HP1BP3: variants seen among roughly 807,000 people sequenced by gnomAD.
HP1BP3 encodes heterochromatin protein 1-binding protein 3.
Under a neutral mutation model 62.5 loss-of-function variants are expected in HP1BP3, and 12 were observed. The observed-to-expected ratio is 0.19, with a 90% CI of 0.12 to 0.31. The LOEUF (loss-of-function observed/expected upper bound fraction) is 0.31. HP1BP3 is among the 10% of genes least tolerant of loss of function. The probability of loss-of-function intolerance (pLI) is 1.00; values close to 1 mark genes in which losing one functional copy is unlikely to be tolerated. For synonymous variants in HP1BP3, 260 were observed against 237.8 expected (o/e 1.09, Z -0.86); for missense variants, 502 against 651.8 (o/e 0.77, Z 2.50).
At chr1:20,764,890 TG>T (rs1261969518) in intron 8 of HP1BP3, among the ~76,000 whole-genome samples, 1 of 143,984 alleles carries the variant, frequency 6.9e-6, no homozygotes, top group Non-Finnish European at 1.5e-5. Context: ...AAAAAAAGGC[TG>T]GCCACAGCGG....
chr1:20,782,557 C>T (rs2057605491), intron 1 of HP1BP3, among the ~76,000 whole-genome samples: 1 of 150,532 alleles, frequency 6.6e-6, no homozygotes, highest in South Asian at 2.1e-4. Flanking sequence ...GCATTCCAGC[C>T]TAGGTGACAG....
chr1:20,781,054 C>G (rs1247092163), intron 1 of HP1BP3, among the ~76,000 whole-genome samples: 2 of 152,016 alleles, frequency 1.3e-5, no homozygotes, highest in Admixed American at 1.3e-4. Flanking sequence ...TCCAGACCCA[C>G]AGAAGCAAAT....
At chr1:20,782,173 C>T (rs1210180551) in intron 1 of HP1BP3, among the ~76,000 whole-genome samples, 2 of 152,204 alleles carry the variant, frequency 1.3e-5, no homozygotes, top group Non-Finnish European at 1.5e-5. Flanking sequence ...TGTAGTAGCT[C>T]ATGCCTGCAA....
At chr1:20,784,917 G>T (rs1236651523) in intron 1 of HP1BP3, among the ~76,000 whole-genome samples, 2 of 152,150 alleles carry the variant, frequency 1.3e-5, no homozygotes, top group African/African-American at 4.8e-5. Flanking sequence ...TTTTTGTCAA[G>T]GGAAATGCTT....
chr1:20,763,194 T>C (rs1264659584), intron 8 of HP1BP3, among the ~76,000 whole-genome samples: 1 of 152,192 alleles, frequency 6.6e-6, no homozygotes, highest in African/African-American at 2.4e-5. Context: ...GCCTGCACTA[T>C]GCTTCTTGTA....
chr1:20,757,264 G>C lies in HP1BP3; in HGVS notation c.891-8C>G. Reference sequence around the variant, plus strand: ...TTCTTCAACAGCTGAGGCCTGCAAAGAAAAACAAAAAAAAAATAGTGATAA... The same window carrying C: ...TTCTTCAACAGCTGAGGCCTGCAAACAAAAACAAAAAAAAAATAGTGATAA... On this transcript the variant is annotated splice_polypyrimidine_tract_variant and splice_region_variant and intron_variant, in intron 8 of 12. Coordinates refer to ENST00000438032, the MANE Select transcript of HP1BP3 (RefSeq NM_001372052.1). 4 of 1,528,054 alleles carry C rather than the reference G, an allele frequency of 2.6e-6. No homozygotes were observed. The highest frequency in any genetic ancestry group is 3.5e-6 in the Non-Finnish European group (4 of 1,138,814). 94.7% of individuals were successfully genotyped at this position (1,528,054 alleles called of 1,614,324 possible).
chr1:20,764,347 A>C (rs2056649134), intron 8 of HP1BP3, among the ~76,000 whole-genome samples: 1 of 151,052 alleles, frequency 6.6e-6, no homozygotes, highest in East Asian at 2.0e-4. Context: ...TTTTACTCTT[A>C]TGGTTTTTTT....
chr1:20,769,543 G>A (rs756708553), intron 6 of HP1BP3, among the ~76,000 whole-genome samples: 5 of 152,106 alleles, frequency 3.3e-5, no homozygotes, highest in South Asian at 2.1e-4. Flanking sequence ...GGGCCAGAGT[G>A]AGATCCTGTC....
intron 8 of HP1BP3, among the ~76,000 whole-genome samples, chr1:20,764,508 C>T (rs12754303): frequency 6.6e-6 from 1 of 151,356 alleles, no homozygotes; most frequent in African/African-American, 2.4e-5. Context: ...CACAGCCAGC[C>T]TAGTTTTTTT....
chr1:20,783,456 T>C (rs1011939780), intron 1 of HP1BP3, among the ~76,000 whole-genome samples: 1 of 151,818 alleles, frequency 6.6e-6, no homozygotes, highest in African/African-American at 2.4e-5. Context: ...GAGGCGGAGG[T>C]TGCAGTGACC....
chr1:20,741,567 G>C lies in HP1BP3; in HGVS notation c.*3230C>G, dbSNP rs1304963718. Among the ~76,000 whole-genome samples the C allele has an allele frequency of 6.6e-6, 1 of 152,168 alleles. No individual in the cohort carries two copies. The highest frequency in any genetic ancestry group is 1.5e-5 in the Non-Finnish European group (1 of 68,032). Reference sequence around the variant, plus strand: ...GGTTTCCTTTAATTAAGTCCATGTGGATGCATAGTCAGAATCCATGTGCAA... The same window carrying C: ...GGTTTCCTTTAATTAAGTCCATGTGCATGCATAGTCAGAATCCATGTGCAA... On this transcript the variant is annotated 3_prime_UTR_variant, in exon 13 of 13. Transcript: ENST00000438032.
Position 20,784,868 on chromosome 1 carries a change from T to C in HP1BP3, c.-101+2327A>G, listed in dbSNP as rs575321231. On this transcript the variant is annotated intron_variant, in intron 1 of 12. Transcript: ENST00000438032. The stretch of plus-strand genomic sequence containing the variant: ...ACATGGTCCTCTTATGAACATCAGC[T>C]TGCTTAAACTTAATGTTACAACAAT... Among the ~76,000 whole-genome samples the C allele has an allele frequency of 9.8e-5, 15 of 152,360 alleles. No homozygotes were observed. In the South Asian group the frequency reaches 3.1e-3, roughly 32 times the overall value.
intron 7 of HP1BP3, among the ~76,000 whole-genome samples, chr1:20,767,278 T>C (rs935352230): frequency 2.0e-5 from 3 of 152,190 alleles, no homozygotes; most frequent in Admixed American, 2.0e-4. Flanking sequence ...ATCATGTCAC[T>C]GCACTACAGC....
At chr1:20,758,106 A>G (rs959198488) in intron 8 of HP1BP3, among the ~76,000 whole-genome samples, 6 of 152,164 alleles carry the variant, frequency 3.9e-5, no homozygotes, top group African/African-American at 1.4e-4. Context: ...AGACCATGCC[A>G]TTGCAATCCA....
In HP1BP3 at chr1:20,765,621, T is replaced by G. The variant is rs1256377161; in HGVS notation, c.736-90A>C. ...GGGCTTTCCTCAGTTGATTACCAAATTTGTCAATTTTATGGCAATTTCTTT... is the reference window on the plus strand; with the variant it reads ...GGGCTTTCCTCAGTTGATTACCAAAGTTGTCAATTTTATGGCAATTTCTTT... On this transcript the variant is annotated intron_variant, in intron 7 of 12. Transcript: ENST00000438032. 3 of 1,020,910 alleles carry G rather than the reference T, an allele frequency of 2.9e-6. No individual in the cohort carries two copies. The East Asian group carries it at 8.2e-5, about 28-fold the overall frequency. 63.2% of individuals were successfully genotyped at this position (1,020,910 alleles called of 1,614,324 possible).
chr1:20,773,844 A>C (rs969435631), intron 4 of HP1BP3: 7 of 347,316 alleles, frequency 2.0e-5, no homozygotes, highest in African/African-American at 1.5e-4. Context: ...GAGTCACATA[A>C]ATTAGCACTG....
At chr1:20,774,620 G>C (rs56984499) in intron 4 of HP1BP3, 2 of 152,014 alleles carry the variant, frequency 1.3e-5, no homozygotes, top group Non-Finnish European at 2.9e-5. Context: ...ATATCACAGC[G>C]CAGCACGTTA....
At chr1:20,756,279 T>C (rs1198499501) in intron 9 of HP1BP3, among the ~76,000 whole-genome samples, 1 of 152,190 alleles carries the variant, frequency 6.6e-6, no homozygotes, top group Admixed American at 6.5e-5. Flanking sequence ...TGTATTTCTG[T>C]GTAAGGTTAG....
chr1:20,766,359 G>C (rs1207702567), intron 7 of HP1BP3, among the ~76,000 whole-genome samples: 1 of 150,210 alleles, frequency 6.7e-6, no homozygotes, highest in African/African-American at 2.5e-5. Context: ...CCTAATTTAT[G>C]AAGTACAGCA....
Sources: allele counts gnomAD v4.1 joint callset (sites outside exome capture counted in the v4.1 genomes callset), GRCh38; gene constraint gnomAD v4.1.1; transcripts MANE v1.5; gene names NCBI Gene and HGNC (gene_info 2026-07-23, HGNC 2026-07-21).